Variants in ATF2 observed in about 807,000 individuals in gnomAD.
ATF2 encodes cyclic AMP-dependent transcription factor ATF-2.
ATF2 carries 24 observed loss-of-function variants against 60.6 expected under a neutral mutation model. The ratio of observed to expected loss-of-function variants is 0.40; its 90% CI spans 0.29 to 0.56. The LOEUF (loss-of-function observed/expected upper bound fraction) is 0.56. Ranked by LOEUF, ATF2 falls within the 20% of genes least tolerant of loss-of-function variation. The pLI, the probability that ATF2 is intolerant of heterozygous loss-of-function variation, is 0.54. For missense variants in ATF2, 433 were observed against 607.7 expected (o/e 0.71, Z 3.02); for synonymous variants, 206 against 215.4 (o/e 0.96, Z 0.38).
intron 10 of ATF2, among the ~76,000 whole-genome samples, chr2:175,098,021 T>A (rs1200948344): frequency 1.3e-5 from 2 of 152,248 alleles, no homozygotes; most frequent in Non-Finnish European, 1.5e-5. Flanking sequence ...CCTAGATATT[T>A]ATGTCTACCA....
At chr2:175,132,286 C>T (rs769786064) in intron 3 of ATF2, among the ~76,000 whole-genome samples, 2 of 152,164 alleles carry the variant, frequency 1.3e-5, no homozygotes, top group Non-Finnish European at 2.9e-5. Flanking sequence ...TAAAAATACA[C>T]GTAAATCTCA....
At chr2:175,159,153 A>G (rs1699862990) in intron 1 of ATF2, among the ~76,000 whole-genome samples, 1 of 151,996 alleles carries the variant, frequency 6.6e-6, no homozygotes, top group Non-Finnish European at 1.5e-5. Flanking sequence ...CCCCGTCTCT[A>G]CTAAAAATAC....
chr2:175,086,734 C>G (rs539747827), intron 12 of ATF2, among the ~76,000 whole-genome samples: 2 of 150,514 alleles, frequency 1.3e-5, no homozygotes, highest in South Asian at 4.2e-4. Context: ...ATAGTAAATT[C>G]AACAAACTAC....
chr2:175,087,569 T>G (rs1445665330), intron 12 of ATF2, among the ~76,000 whole-genome samples: 1 of 152,138 alleles, frequency 6.6e-6, no homozygotes, highest in African/African-American at 2.4e-5. Context: ...TATCAGGTAT[T>G]CCCTAAATTT....
chr2:175,097,936 C>T (rs2072538), intron 10 of ATF2, among the ~76,000 whole-genome samples: 8,148 of 152,146 alleles, frequency 0.054, 249 homozygotes, highest in East Asian at 0.12. Context: ...TTTGCTGTTG[C>T]AGGTTTGCCA....
intron 8 of ATF2, 194 bp downstream of exon 8, chr2:175,114,496 T>A: frequency 7.7e-7 from 1 of 1,296,002 alleles, no homozygotes; most frequent in African/African-American, 1.5e-5. Context: ...TTGTTTTTAG[T>A]TGTATTTATC....
At chr2:175,082,441 A>G (rs1396686730) in intron 12 of ATF2, among the ~76,000 whole-genome samples, 2 of 152,214 alleles carry the variant, frequency 1.3e-5, no homozygotes, top group Non-Finnish European at 2.9e-5. Flanking sequence ...AAATGACACT[A>G]TTGATGAAAC....
intron 2 of ATF2, among the ~76,000 whole-genome samples, chr2:175,139,599 G>A (rs1698366979): frequency 6.6e-6 from 1 of 151,650 alleles, no homozygotes; most frequent in Admixed American, 6.6e-5. Flanking sequence ...CTTAAACCCG[G>A]GAGGCCGAGG....
At position 175,114,775 on chromosome 2, in the gene ATF2, A is replaced by G. The variant is rs376867963; in HGVS notation, c.541T>C (p.Ser181Pro). The change falls in exon 8 of 14, where the codon TCA becomes CCA. Residue 181 changes from serine to proline, a missense_variant. By Grantham distance (74) the Ser-to-Pro change is moderately conservative. This residue lies in a region of ATF2 where 246 missense variants were observed against 309.3 expected (regional missense o/e 0.80). Coordinates refer to ENST00000264110, the MANE Select transcript of ATF2 (RefSeq NM_001880.4). ...ACTGCCTGCTGAATAATTACACTTG[A>G]GTCAGAACTTGTAAGCAGCACATTG... ...VPNVLLTSSD[S>P]SVIIQQAVPS... is the part of the protein sequence containing the mutation. 3.7e-6 allele frequency: 6 copies of G among 1,613,952 alleles called. No homozygotes were observed. The African/African-American group carries it at 8.0e-5, about 22-fold the overall frequency.
At chr2:175,162,066 A>G in intron 1 of ATF2, among the ~76,000 whole-genome samples, 1 of 152,094 alleles carries the variant, frequency 6.6e-6, no homozygotes, top group Non-Finnish European at 1.5e-5. Flanking sequence ...CAGCCCAGAA[A>G]TTAACTCTTA....
At chr2:175,102,022 TC>T (rs1266131627) in intron 10 of ATF2, among the ~76,000 whole-genome samples, 1 of 152,012 alleles carries the variant, frequency 6.6e-6, no homozygotes, top group Non-Finnish European at 1.5e-5. Context: ...ATATCTACAA[TC>T]CAGCCATACA....
chr2:175,155,538 A>G (rs1446243278), intron 1 of ATF2, among the ~76,000 whole-genome samples: 2 of 152,260 alleles, frequency 1.3e-5, no homozygotes, highest in Non-Finnish European at 2.9e-5. Context: ...TTGTGGAAAT[A>G]CCATACAAAA....
intron 10 of ATF2, among the ~76,000 whole-genome samples, chr2:175,106,099 T>C (rs1403621898): frequency 3.3e-5 from 5 of 151,916 alleles, no homozygotes; most frequent in Non-Finnish European, 7.4e-5. Context: ...AGAAAACAAA[T>C]ATTAAAGACA....
intron 2 of ATF2, among the ~76,000 whole-genome samples, chr2:175,150,853 T>G (rs1193083893): frequency 6.6e-6 from 1 of 152,184 alleles, no homozygotes; most frequent in East Asian, 1.9e-4. Flanking sequence ...CATTGTGCTT[T>G]TATATGCTCA....
intron 2 of ATF2, among the ~76,000 whole-genome samples, chr2:175,141,838 T>C (rs1698566187): frequency 6.6e-6 from 1 of 152,090 alleles, no homozygotes; most frequent in African/African-American, 2.4e-5. Flanking sequence ...AATCTTAACA[T>C]GTATGCTATC....
intron 1 of ATF2, among the ~76,000 whole-genome samples, chr2:175,161,726 A>T (rs1700038799): frequency 6.6e-6 from 1 of 152,008 alleles, no homozygotes; most frequent in African/African-American, 2.4e-5. Context: ...CACATTCATA[A>T]GACAGAACTA....
intron 5 of ATF2, among the ~76,000 whole-genome samples, chr2:175,121,079 T>C (rs1559086769): frequency 6.6e-6 from 1 of 151,808 alleles, no homozygotes; most frequent in Non-Finnish European, 1.5e-5. Flanking sequence ...TTGATCATTT[T>C]CTATCTTCAC....
chr2:175,120,033 T>TG (rs1696847254), intron 5 of ATF2, among the ~76,000 whole-genome samples: 1 of 151,578 alleles, frequency 6.6e-6, no homozygotes, highest in Admixed American at 6.6e-5. Context: ...AACATGTTAG[T>TG]GAAAAAAAAG....
At position 175,132,175 on chromosome 2, in the gene ATF2, T is replaced by C. The variant is rs1697779901; in HGVS notation, c.33-1968A>G. Among the ~76,000 whole-genome samples the C allele has an allele frequency of 2.0e-5, 3 of 152,194 alleles. No individual in the cohort carries two copies. The South Asian group carries it at 6.2e-4, about 31-fold the overall frequency. ...ATATTTTAGTATTATTATAAAAATG[T>C]TTTTGACTTCACAGACCGCTCTCAC... On this transcript the variant is annotated intron_variant, in intron 3 of 13. Coordinates refer to ENST00000264110, the MANE Select transcript of ATF2 (RefSeq NM_001880.4).
Sources: allele counts gnomAD v4.1 joint callset (sites outside exome capture counted in the v4.1 genomes callset), GRCh38; gene constraint gnomAD v4.1.1; regional missense constraint gnomAD v4.1.1; transcripts MANE v1.5; gene names NCBI Gene and HGNC (gene_info 2026-07-23, HGNC 2026-07-21).